The following BBX variants were observed in gnomAD, a reference collection of about 807,000 sequenced individuals.
BBX encodes BBX high mobility group box domain containing, also known as HMG box transcription factor BBX.
In BBX, 30 loss-of-function variants were observed where a neutral mutation model predicts 100.2. That is an observed-to-expected ratio of 0.30 (90% CI 0.22 to 0.41). The LOEUF is 0.41. BBX is among the 10% of genes least tolerant of loss of function. The pLI is 1.00. For missense variants in BBX, 1,023 were observed against 1,129.8 expected (o/e 0.91, Z 1.35); for synonymous variants, 376 against 388.1 (o/e 0.97, Z 0.37).
chr3:107,754,778 C>T (rs1467866918), intron 9 of BBX, among the ~76,000 whole-genome samples: 3 of 152,186 alleles, frequency 2.0e-5, no homozygotes, highest in Non-Finnish European at 2.9e-5. Context: ...TAGCTATCTA[C>T]TCTAACAATG....
chr3:107,705,474 A>G (rs994996992), intron 3 of BBX, among the ~76,000 whole-genome samples: 1 of 152,230 alleles, frequency 6.6e-6, no homozygotes, highest in African/African-American at 2.4e-5. Context: ...AAAATTTATG[A>G]CGGTGCCAAG....
In BBX at chr3:107,728,483, C is replaced by T. The variant is rs575325621; in HGVS notation, c.406-282C>T. On this transcript the variant is annotated intron_variant, in intron 5 of 17. Coordinates refer to ENST00000325805, the MANE Select transcript of BBX (RefSeq NM_001142568.3). ...ATTATAAACAACTCCCTTTCCCCAC[C>T]GAGGTCAGAAAGCTTTTTGGATACT... Among the ~76,000 whole-genome samples the T allele has an allele frequency of 1.6e-4, 24 of 152,260 alleles. No individual in the cohort carries two copies. In the South Asian group the frequency reaches 1.9e-3, roughly 12 times the overall value.
chr3:107,614,037 C>A (rs570404382), intron 2 of BBX, among the ~76,000 whole-genome samples: 4 of 149,204 alleles, frequency 2.7e-5, no homozygotes, highest in African/African-American at 9.9e-5. Flanking sequence ...CTGGAACCTC[C>A]GCCTCCTGGG....
chr3:107,780,583 A>G (rs2067773460), intron 13 of BBX, among the ~76,000 whole-genome samples: 1 of 152,110 alleles, frequency 6.6e-6, no homozygotes, highest in Non-Finnish European at 1.5e-5. Flanking sequence ...CTTATATAGT[A>G]TATCAGTAAT....
chr3:107,779,831 G>A (rs372468449), intron 13 of BBX, among the ~76,000 whole-genome samples: 1 of 152,000 alleles, frequency 6.6e-6, no homozygotes, highest in East Asian at 1.9e-4. Flanking sequence ...GGGTCAATTT[G>A]AGATCTGTAT....
chr3:107,695,573 A>C (rs1352385921), intron 3 of BBX, among the ~76,000 whole-genome samples: 14 of 150,476 alleles, frequency 9.3e-5, no homozygotes, highest in African/African-American at 2.2e-4. Context: ...GTTTGTTATA[A>C]TTTCTGTTCT....
At chr3:107,614,652 T>C (rs1001961632) in intron 2 of BBX, among the ~76,000 whole-genome samples, 1 of 152,234 alleles carries the variant, frequency 6.6e-6, no homozygotes, top group Non-Finnish European at 1.5e-5. Context: ...GAAATCATTC[T>C]AGATTACTTC....
At chr3:107,568,287 T>C (rs1208829766) in intron 2 of BBX, among the ~76,000 whole-genome samples, 6 of 141,624 alleles carry the variant, frequency 4.2e-5, no homozygotes, top group Non-Finnish European at 9.2e-5. Context: ...TTTTTTGAGA[T>C]GGAGTCTTGC....
chr3:107,748,344 A>C (rs1305570238), intron 9 of BBX, among the ~76,000 whole-genome samples: 1 of 152,216 alleles, frequency 6.6e-6, no homozygotes, highest in Non-Finnish European at 1.5e-5. Flanking sequence ...AACTGCTGTC[A>C]ACAAGAATGT....
At chr3:107,599,429 T>TG (rs2053900648) in intron 2 of BBX, 3 of 152,172 alleles carry the variant, frequency 2.0e-5, no homozygotes, top group Non-Finnish European at 4.4e-5. Context: ...TATTGTTGGT[T>TG]TGGTTTCCTT....
intron 3 of BBX, among the ~76,000 whole-genome samples, chr3:107,699,386 G>A (rs961261945): frequency 5.9e-5 from 9 of 151,872 alleles, no homozygotes; most frequent in African/African-American, 1.9e-4. Context: ...AGAAACATCA[G>A]CTGTAAAGGC....
chr3:107,595,551 C>T (rs1454360358), intron 2 of BBX, among the ~76,000 whole-genome samples: 1 of 152,100 alleles, frequency 6.6e-6, no homozygotes, highest in Non-Finnish European at 1.5e-5. Flanking sequence ...TATAATAATA[C>T]GGACTTGTGT....
At chr3:107,562,563 T>C (rs2050585234) in intron 2 of BBX, among the ~76,000 whole-genome samples, 1 of 152,174 alleles carries the variant, frequency 6.6e-6, no homozygotes, top group South Asian at 2.1e-4. Flanking sequence ...CAAATTAATA[T>C]GTAAAATATA....
rs770226770 is a variant in BBX at position 107,748,007 on chromosome 3, T to C, written c.793T>C (p.Cys265Arg). 6.2e-7 allele frequency: 1 copy of C among 1,613,710 alleles called. No homozygotes were observed. Among genetic ancestry groups the C allele is most frequent in the East Asian group, 2.2e-5 (1 of 44,840 alleles). Reference protein sequence around the residue: ...TSHSDASTKQCQTSALFQFAE... With the variant: ...TSHSDASTKQRQTSALFQFAE... ...CCACTCTGATGCTTCTACAAAGCAG[T>C]GTCAAACATCTGCCTTGTTTCAGTT... Residue 265 changes from cysteine (C) to arginine (R), a missense_variant, in exon 9 of 18, where the codon TGT becomes CGT. By Grantham distance (180) the Cys-to-Arg change is radical (BLOSUM62 -3). Around this residue, in one of 9 missense-constraint regions of BBX, gnomAD observed 95 missense variants for 95.1 expected, o/e 1.00. Transcript: ENST00000325805.
At chr3:107,668,343 T>C (rs2058853453) in intron 3 of BBX, among the ~76,000 whole-genome samples, 1 of 152,202 alleles carries the variant, frequency 6.6e-6, no homozygotes, top group African/African-American at 2.4e-5. Flanking sequence ...TGCCCTTAGG[T>C]TAAGGTCTGT....
chr3:107,791,036 A>G (rs1223785798), intron 14 of BBX, among the ~76,000 whole-genome samples: 1 of 152,176 alleles, frequency 6.6e-6, no homozygotes, highest in Admixed American at 6.5e-5. Flanking sequence ...AAAGACAAAA[A>G]TTTTATTTTT....
intron 5 of BBX, among the ~76,000 whole-genome samples, chr3:107,726,329 A>C (rs1480672104): frequency 6.6e-6 from 1 of 151,834 alleles, no homozygotes; most frequent in African/African-American, 2.4e-5. Context: ...TGATGCTCAT[A>C]TACTGCTTGT....
intron 10 of BBX, among the ~76,000 whole-genome samples, 177 bp downstream of exon 10, chr3:107,755,855 A>G (rs2065431837): frequency 6.6e-6 from 1 of 152,186 alleles, no homozygotes; most frequent in Non-Finnish European, 1.5e-5. Context: ...TGCTACTAAG[A>G]GTCATTAAGC....
intron 5 of BBX, among the ~76,000 whole-genome samples, chr3:107,723,267 T>A (rs2062668775): frequency 6.6e-6 from 1 of 151,990 alleles, no homozygotes; most frequent in South Asian, 2.1e-4. Context: ...AGATAGCACC[T>A]CCTCCCAGTT....
Sources: gnomAD v4.1 joint callset for allele counts (sites outside exome capture counted in the v4.1 genomes callset) on GRCh38, gnomAD v4.1.1 for gene constraint, gnomAD v4.1.1 regional missense constraint, MANE v1.5 for transcripts, NCBI Gene and HGNC (gene_info 2026-07-23, HGNC 2026-07-21) for gene names.